The following OPCML variants were observed in gnomAD, a reference collection of about 807,000 sequenced individuals.
OPCML encodes opioid-binding protein/cell adhesion molecule.
Under a neutral mutation model 37.8 loss-of-function variants are expected in OPCML, and 13 were observed. The observed-to-expected ratio is 0.34, with a 90% CI of 0.22 to 0.55. The LOEUF (loss-of-function observed/expected upper bound fraction) is 0.55, where lower values mean the gene tolerates loss of function less well. Ranked by LOEUF, OPCML falls within the 20% of genes least tolerant of loss-of-function variation. The pLI is 0.91. For synonymous variants in OPCML, 176 were observed against 168.8 expected, an observed-to-expected ratio of 1.04 and a Z score of -0.33; for missense variants, 341 against 435.6, an observed-to-expected ratio of 0.78 and a Z score of 1.93.
intron 3 of OPCML, among the ~76,000 whole-genome samples, chr11:132,628,011 T>G (rs527983895): frequency 6.6e-6 from 1 of 152,274 alleles, no homozygotes; most frequent in East Asian, 1.9e-4. Context: ...GCTGAAATTT[T>G]TTTGATTTGA....
intron 3 of OPCML, among the ~76,000 whole-genome samples, chr11:132,551,551 C>G (rs535519565): frequency 6.6e-6 from 1 of 152,286 alleles, no homozygotes; most frequent in East Asian, 1.9e-4. Flanking sequence ...CCTCCCTAAA[C>G]TGCTCTTAAG....
At chr11:132,959,976 C>T (rs780151072) in intron 1 of OPCML, among the ~76,000 whole-genome samples, 2 of 152,122 alleles carry the variant, frequency 1.3e-5, no homozygotes, top group African/African-American at 4.8e-5. Flanking sequence ...CATTAAGAAA[C>T]GGAATCTGGG....
chr11:132,884,037 A>G (rs1168192063), intron 2 of OPCML, among the ~76,000 whole-genome samples: 1 of 152,252 alleles, frequency 6.6e-6, no homozygotes, highest in African/African-American at 2.4e-5. Flanking sequence ...TCATAGATTT[A>G]TAGAGCTGGA....
At chr11:132,940,568 G>A (rs1945543095) in intron 2 of OPCML, among the ~76,000 whole-genome samples, 1 of 152,178 alleles carries the variant, frequency 6.6e-6, no homozygotes, top group Non-Finnish European at 1.5e-5. Flanking sequence ...TTGAAGCCAT[G>A]GGCTTCTAGA....
intron 1 of OPCML, among the ~76,000 whole-genome samples, chr11:133,010,814 A>AT (rs1404418117): frequency 6.6e-6 from 1 of 152,242 alleles, no homozygotes; most frequent in African/African-American, 2.4e-5. Flanking sequence ...AGGGAGAAAA[A>AT]TAAAAAGCCA....
chr11:132,683,106 A>C (rs1943022544), intron 2 of OPCML, among the ~76,000 whole-genome samples: 1 of 152,208 alleles, frequency 6.6e-6, no homozygotes, highest in South Asian at 2.1e-4. Flanking sequence ...TAGAGTATTA[A>C]AATACTTGTA....
chr11:132,499,985 G>A (rs914639518), intron 4 of OPCML, among the ~76,000 whole-genome samples: 5 of 152,170 alleles, frequency 3.3e-5, no homozygotes, highest in Non-Finnish European at 7.3e-5. Flanking sequence ...CACATTTCAA[G>A]AAGCAGTGAA....
chr11:132,521,806 A>G (rs925278505), intron 4 of OPCML, among the ~76,000 whole-genome samples: 7 of 152,228 alleles, frequency 4.6e-5, no homozygotes, highest in Admixed American at 4.6e-4. Flanking sequence ...AAATAAAGTT[A>G]TGAATAATTG....
chr11:132,764,171 C>A (rs1255686485), intron 2 of OPCML, among the ~76,000 whole-genome samples: 1 of 152,232 alleles, frequency 6.6e-6, no homozygotes, highest in Non-Finnish European at 1.5e-5. Context: ...ATGCCTATTA[C>A]CAGCTCCGCT....
At chr11:133,433,596 G>A (rs1355130069) in intron 1 of OPCML, among the ~76,000 whole-genome samples, 2 of 152,126 alleles carry the variant, frequency 1.3e-5, no homozygotes, top group Non-Finnish European at 2.9e-5. Flanking sequence ...CTATGTCCAA[G>A]CTTACGACAT....
chr11:133,244,900 C>G (rs1173471895), intron 1 of OPCML, among the ~76,000 whole-genome samples: 2 of 152,148 alleles, frequency 1.3e-5, no homozygotes, highest in Non-Finnish European at 2.9e-5. Flanking sequence ...TGGACTAATA[C>G]AGCCTGAGAA....
rs181359306 is a variant in OPCML at position 132,419,029 on chromosome 11, G to C, written c.*1164C>G. 1 of 152,666 alleles carries C rather than the reference G, an allele frequency of 6.6e-6. No individual in the cohort carries two copies. The highest frequency in any genetic ancestry group is 1.5e-5 in the Non-Finnish European group (1 of 68,010). The allele number at this position is 152,666 out of a possible 1,614,324, so 9.5% of individuals were successfully genotyped here. On this transcript the variant is annotated 3_prime_UTR_variant, in exon 8 of 8. Coordinates refer to ENST00000524381, the MANE Select transcript of OPCML (RefSeq NM_001012393.5). ...GGCCTATCTGTTAGTGTCTCCCTTG[G>C]GTGGATAGGATACCAGATTTTAAAG... is the stretch of plus-strand genomic sequence containing the variant.
intron 2 of OPCML, among the ~76,000 whole-genome samples, chr11:132,672,613 A>G (rs768112361): frequency 2.6e-5 from 4 of 152,204 alleles, no homozygotes; most frequent in African/African-American, 9.6e-5. Flanking sequence ...AAGCAACCGG[A>G]AAATCTCAGC....
chr11:132,909,787 A>T (rs1944362589), intron 2 of OPCML, among the ~76,000 whole-genome samples: 1 of 152,172 alleles, frequency 6.6e-6, no homozygotes, highest in Non-Finnish European at 1.5e-5. Flanking sequence ...TATGCAGCGG[A>T]TGTGGCATTT....
chr11:132,628,239 C>T (rs572828070), intron 3 of OPCML, among the ~76,000 whole-genome samples: 20 of 152,048 alleles, frequency 1.3e-4, no homozygotes, highest in South Asian at 2.1e-4. Context: ...CAGAGCCACA[C>T]GGCTCACGTT....
Position 133,118,053 on chromosome 11 carries a change from A to G in OPCML, c.62-175043T>C, listed in dbSNP as rs948832076. 3 of 661,852 alleles carry G rather than the reference A, an allele frequency of 4.5e-6. No individual in the cohort carries two copies. In the East Asian group the frequency reaches 4.1e-4, roughly 91 times the overall value. 41.0% of individuals were successfully genotyped at this position (661,852 alleles called of 1,614,324 possible). ...GTGTGAAGTTTCCCCAGCAGGTGAAACACTCTTCAGAAAGAAACATGCCGC... is the reference window on the plus strand; with the variant it reads ...GTGTGAAGTTTCCCCAGCAGGTGAAGCACTCTTCAGAAAGAAACATGCCGC... On this transcript the variant is annotated intron_variant, in intron 1 of 7. Transcript: ENST00000524381.
chr11:132,637,204 C>T (rs1297124813), intron 3 of OPCML, among the ~76,000 whole-genome samples: 5 of 151,314 alleles, frequency 3.3e-5, no homozygotes, highest in African/African-American at 4.9e-5. Flanking sequence ...GTGAAAATAT[C>T]AGTCCACAAG....
At chr11:133,063,627 T>A (rs1477706146) in intron 1 of OPCML, among the ~76,000 whole-genome samples, 1 of 151,932 alleles carries the variant, frequency 6.6e-6, no homozygotes, top group South Asian at 2.1e-4. Flanking sequence ...AATGGCTTGA[T>A]CTTGGCTCAC....
At chr11:132,524,110 C>T (rs1238190223) in intron 4 of OPCML, among the ~76,000 whole-genome samples, 1 of 152,204 alleles carries the variant, frequency 6.6e-6, no homozygotes, top group Non-Finnish European at 1.5e-5. Flanking sequence ...CGACTACCCT[C>T]CTTAGAACAC....
Sources: allele counts gnomAD v4.1 joint callset (sites outside exome capture counted in the v4.1 genomes callset), GRCh38; gene constraint gnomAD v4.1.1; transcripts MANE v1.5; gene names NCBI Gene and HGNC (gene_info 2026-07-23, HGNC 2026-07-21).